Variants in PTPRD observed in about 807,000 individuals in gnomAD.
PTPRD encodes the protein receptor-type tyrosine-protein phosphatase delta.
Under a neutral mutation model 214.5 loss-of-function variants are expected in PTPRD, and 34 were observed. The ratio of observed to expected loss-of-function variants is 0.16; its 90% CI spans 0.12 to 0.21. The LOEUF (loss-of-function observed/expected upper bound fraction) is 0.21. Among genes scored for constraint, PTPRD ranks in the 10% least tolerant of loss-of-function variants. The pLI, the probability that PTPRD is intolerant of heterozygous loss-of-function variation, is 1.00. For missense variants in PTPRD, 2,545 were observed against 2,398.7 expected (o/e 1.06, Z -1.27); for synonymous variants, 1,128 against 845.7 (o/e 1.33, Z -5.79).
At chr9:8,825,200 T>C (rs1025969829) in intron 11 of PTPRD, among the ~76,000 whole-genome samples, 3 of 152,210 alleles carry the variant, frequency 2.0e-5, no homozygotes, top group African/African-American at 7.2e-5. Context: ...TGGCACAGGT[T>C]AGAAACCCTG....
chr9:8,911,415 T>TGTTGTGTGTG lies in PTPRD; in HGVS notation c.-104+107281_-104+107282insCACACACAAC, dbSNP rs1555510111. Among the ~76,000 whole-genome samples, 700 of 127,648 alleles carry TGTTGTGTGTG rather than the reference T, an allele frequency of 5.5e-3. 2 individuals are homozygous for TGTTGTGTGTG. The highest frequency in any genetic ancestry group is 0.015 in the African/African-American group (560 of 37,048). 83.7% of individuals were successfully genotyped at this position (127,648 alleles called of 152,430 possible). ...GTGTGTGTCTGTGTGTGTGTGTGTG[T>TGTTGTGTGTG]TGTGTGTGTGTGTGTGTGTGTGTGT... On this transcript the variant is annotated intron_variant, in intron 11 of 45. Coordinates refer to ENST00000381196, the MANE Select transcript of PTPRD (RefSeq NM_002839.4).
intron 10 of PTPRD, among the ~76,000 whole-genome samples, chr9:9,028,345 T>C (rs1293725724): frequency 6.6e-6 from 1 of 151,992 alleles, no homozygotes; most frequent in Non-Finnish European, 1.5e-5. Flanking sequence ...CATATATAAA[T>C]TGCAGAACTA....
chr9:9,725,572 A>G (rs1296687320), intron 7 of PTPRD, among the ~76,000 whole-genome samples: 3 of 152,134 alleles, frequency 2.0e-5, no homozygotes, highest in Admixed American at 1.3e-4. Flanking sequence ...GGCTTGCTTA[A>G]TAAGTTGGTT....
In PTPRD at chr9:8,314,554, G is replaced by C. The variant is rs935232425; in HGVS notation, c.*3320C>G. The C allele has an allele frequency of 4.3e-6, 1 of 232,196 alleles. No homozygotes were observed. Among genetic ancestry groups the C allele is most frequent in the Non-Finnish European group, 8.5e-6 (1 of 117,164 alleles). 14.4% of individuals were successfully genotyped at this position (232,196 alleles called of 1,614,324 possible). A position where few individuals can be genotyped will look rare whatever the true frequency, so the allele number is the denominator to read the frequency against. Reference sequence around the variant, plus strand: ...GCTGGGATGGCAAAGCCACATAACGGATGGATAGAATGGATCTGTAGCCTT... The same window carrying C: ...GCTGGGATGGCAAAGCCACATAACGCATGGATAGAATGGATCTGTAGCCTT... On this transcript the variant is annotated 3_prime_UTR_variant, in exon 46 of 46. Coordinates refer to ENST00000381196, the MANE Select transcript of PTPRD (RefSeq NM_002839.4).
At chr9:9,350,430 A>G (rs976166897) in intron 9 of PTPRD, among the ~76,000 whole-genome samples, 3 of 152,044 alleles carry the variant, frequency 2.0e-5, no homozygotes, top group Admixed American at 1.3e-4. Flanking sequence ...GTACTGTATC[A>G]ACTCCTCTGT....
At chr9:8,328,599 AATATCCTG>A (rs3858065) in intron 44 of PTPRD, among the ~76,000 whole-genome samples, 69,127 of 151,176 alleles carry the variant, frequency 0.46, 17,937 homozygotes, top group African/African-American at 0.7. Context: ...TCTTCTGGAT[AATATCCTG>A]ATATCCTGAA....
intron 8 of PTPRD, among the ~76,000 whole-genome samples, chr9:9,474,099 G>A (rs931209084): frequency 1.3e-5 from 2 of 151,974 alleles, no homozygotes; most frequent in African/African-American, 4.8e-5. Context: ...TTGGGTCTTA[G>A]TTTAAGTCTT....
chr9:9,540,901 T>C (rs2077454623), intron 8 of PTPRD, among the ~76,000 whole-genome samples: 1 of 151,830 alleles, frequency 6.6e-6, no homozygotes, highest in Non-Finnish European at 1.5e-5. Context: ...TAAATTTTTG[T>C]TCCTATCCTA....
At chr9:8,617,496 T>A (rs1375899855) in intron 14 of PTPRD, among the ~76,000 whole-genome samples, 1 of 152,154 alleles carries the variant, frequency 6.6e-6, no homozygotes, top group Non-Finnish European at 1.5e-5. Context: ...ATATGTCACT[T>A]AGATGTCCCA....
rs66768632 is a variant in PTPRD at position 10,511,569 on chromosome 9, A to ATTT, written c.-600+100826_-600+100828dup. On this transcript the variant is annotated intron_variant, in intron 2 of 45. Coordinates refer to ENST00000381196, the MANE Select transcript of PTPRD (RefSeq NM_002839.4). ...CAGGTGTGCGCCACCACACCCTGGT[A>ATTT]TTTTTTTTTTTTTTTTTTGTATTTT... Among the ~76,000 whole-genome samples, 8 of 127,856 alleles carry ATTT rather than the reference A, an allele frequency of 6.3e-5. 1 individual carries two copies. Among genetic ancestry groups the ATTT allele is most frequent in the South Asian group, 2.5e-4 (1 of 4,034 alleles). 83.9% of individuals were successfully genotyped at this position (127,856 alleles called of 152,430 possible).
intron 10 of PTPRD, among the ~76,000 whole-genome samples, chr9:9,162,963 C>T (rs2099893319): frequency 6.6e-6 from 1 of 152,058 alleles, no homozygotes; most frequent in Admixed American, 6.6e-5. Flanking sequence ...TTCTTTAGGA[C>T]TCTCTATTTT....
In PTPRD at chr9:8,629,346, A is replaced by G. The variant is rs59816006; in HGVS notation, c.352+3971T>C. Among the ~76,000 whole-genome samples the G allele has an allele frequency of 6.3e-3, 956 of 151,986 alleles. 10 individuals carry two copies. The highest frequency in any genetic ancestry group is 0.021 in the African/African-American group (880 of 41,504). On this transcript the variant is annotated intron_variant, in intron 14 of 45. Transcript: ENST00000381196. ...TTTTCCCTGCCTAGTGATTGATAAC[A>G]TCTATCAGAGAGAATATTTTCATCC...
intron 14 of PTPRD, among the ~76,000 whole-genome samples, chr9:8,534,395 T>A (rs1258652177): frequency 6.6e-6 from 1 of 151,878 alleles, no homozygotes; most frequent in Non-Finnish European, 1.5e-5. Flanking sequence ...AACCACTCAG[T>A]TTTTTTGTTG....
At chr9:9,188,334 A>G (rs2099932941) in intron 9 of PTPRD, among the ~76,000 whole-genome samples, 1 of 152,078 alleles carries the variant, frequency 6.6e-6, no homozygotes, top group African/African-American at 2.4e-5. Context: ...GCCGCAATAA[A>G]CATCCTTGTA....
chr9:9,666,674 G>T (rs1034080044), intron 7 of PTPRD, among the ~76,000 whole-genome samples: 3 of 151,838 alleles, frequency 2.0e-5, no homozygotes, highest in Admixed American at 6.6e-5. Context: ...TCTACCTAAG[G>T]TCTTTACTTT....
intron 9 of PTPRD, among the ~76,000 whole-genome samples, chr9:9,390,956 T>C (rs2065627242): frequency 6.6e-6 from 1 of 152,166 alleles, no homozygotes; most frequent in Admixed American, 6.6e-5. Flanking sequence ...GAAGATGGTG[T>C]TGATTGCAAG....
At chr9:9,621,861 T>C (rs2095253394) in intron 7 of PTPRD, among the ~76,000 whole-genome samples, 1 of 152,174 alleles carries the variant, frequency 6.6e-6, no homozygotes, top group African/African-American at 2.4e-5. Context: ...GGGCCTTATT[T>C]ACTTTATTTA....
intron 14 of PTPRD, among the ~76,000 whole-genome samples, chr9:8,534,850 G>C (rs1287285955): frequency 6.6e-6 from 1 of 151,770 alleles, no homozygotes; most frequent in Non-Finnish European, 1.5e-5. Context: ...TTTAAAACAA[G>C]ATATTTATGA....
intron 12 of PTPRD, among the ~76,000 whole-genome samples, chr9:8,705,253 A>G (rs6477324): frequency 0.82 from 124,711 of 152,098 alleles, 51,605 homozygotes; most frequent in Non-Finnish European, 0.88. Flanking sequence ...AGATGGTCTC[A>G]CTTGTCACCC....
Sources: gnomAD v4.1 joint callset for allele counts (sites outside exome capture counted in the v4.1 genomes callset) on GRCh38, gnomAD v4.1.1 for gene constraint, MANE v1.5 for transcripts, NCBI Gene and HGNC (gene_info 2026-07-23, HGNC 2026-07-21) for gene names.